GRIP2: variants seen among roughly 807,000 people sequenced by gnomAD.
GRIP2 encodes the protein glutamate receptor-interacting protein 2.
A neutral mutation model predicts 108.3 loss-of-function variants in GRIP2; 58 were observed. That is an observed-to-expected ratio of 0.54 (90% CI 0.43 to 0.67). The LOEUF is 0.67. GRIP2 is among the 30% of genes least tolerant of loss of function. The probability of loss-of-function intolerance (pLI) is 0.00; values close to 1 mark genes in which losing one functional copy is unlikely to be tolerated. For missense variants in GRIP2, 1,278 were observed against 1,430.6 expected (o/e 0.89, Z 1.72); for synonymous variants, 586 against 598.2 (o/e 0.98, Z 0.30).
chr3:14,505,075 G>T lies in GRIP2; in HGVS notation c.2573+540C>A, dbSNP rs1232087778. ...TGAGCTGAGTTTTGAGGGATGAGTAGGGATTTGCCAGGAGAGACCAGGGGA... is the reference window on the plus strand; with the variant it reads ...TGAGCTGAGTTTTGAGGGATGAGTATGGATTTGCCAGGAGAGACCAGGGGA... On this transcript the variant is annotated intron_variant, in intron 20 of 23. Coordinates refer to ENST00000621039, the MANE Select transcript of GRIP2 (RefSeq NM_001080423.4). The surrounding 1 kb of genome is among the most constrained non-coding windows in gnomAD (Gnocchi z 4.2). Among the ~76,000 whole-genome samples, 1 of 152,088 alleles carries T rather than the reference G, an allele frequency of 6.6e-6. No individual in the cohort carries two copies. The highest frequency in any genetic ancestry group is 1.5e-5 in the Non-Finnish European group (1 of 68,012).
In GRIP2 at chr3:14,520,378, G is replaced by A. The variant is rs750917567; in HGVS notation, c.860+12C>T. On this transcript the variant is annotated intron_variant, in intron 8 of 23. Coordinates refer to ENST00000621039, the MANE Select transcript of GRIP2 (RefSeq NM_001080423.4). ...ACACCTCCATGGTGGCAGCACCCAG[G>A]GTGTGCCTTACCTGTCCACCACGCT... The A allele has an allele frequency of 1.2e-6, 2 of 1,610,810 alleles. No individual in the cohort carries two copies. The highest frequency in any genetic ancestry group is 2.2e-5 in the South Asian group (2 of 90,306).
Position 14,523,083 on chromosome 3 carries a change from G to A in GRIP2, c.491-8C>T. 1 of 1,593,162 alleles carries A rather than the reference G, an allele frequency of 6.3e-7. No homozygotes were observed. The highest frequency in any genetic ancestry group is 8.6e-7 in the Non-Finnish European group (1 of 1,166,212). On this transcript the variant is annotated splice_region_variant and splice_polypyrimidine_tract_variant and intron_variant, in intron 5 of 23. Coordinates refer to ENST00000621039, the MANE Select transcript of GRIP2 (RefSeq NM_001080423.4). ...CATCTTCATGGGCACCTCCTGGACA[G>A]GATTTGACAAGAAGCAGGAATCATC...
intron 17 of GRIP2, among the ~76,000 whole-genome samples, chr3:14,508,517 T>A (rs931206875): frequency 1.3e-5 from 2 of 152,158 alleles, no homozygotes; most frequent in African/African-American, 4.8e-5. Flanking sequence ...GGGCTGTAGA[T>A]GTCACCCCAT....
chr3:14,536,700 C>T lies in GRIP2; in HGVS notation c.40+3569G>A, dbSNP rs746489712. Among the ~76,000 whole-genome samples the T allele has an allele frequency of 6.6e-5, 10 of 152,188 alleles. No individual in the cohort carries two copies. In the South Asian group the frequency reaches 8.3e-4, roughly 13 times the overall value. On this transcript the variant is annotated intron_variant, in intron 1 of 23. Coordinates refer to ENST00000621039, the MANE Select transcript of GRIP2 (RefSeq NM_001080423.4). ...TCTCAAGTTGGGGGTTGGCCTTCTG[C>T]GTTCTGGGTCCTGCTCTCCTGCCCT...
Position 14,525,394 on chromosome 3 carries a change from C to T in GRIP2, c.257+43G>A, listed in dbSNP as rs777737925. On this transcript the variant is annotated intron_variant, in intron 3 of 23. Transcript: ENST00000621039. ...ACTGGCCCTGGGCTCCCATCATTGC[C>T]TCTGCACCCCCCTCCTGCGGCCGTG... 5.6e-6 allele frequency: 9 copies of T among 1,602,864 alleles called. No homozygotes were observed. The East Asian group carries it at 6.7e-5, about 12-fold the overall frequency.
upstream of GRIP2, among the ~76,000 whole-genome samples, chr3:14,544,845 G>A (rs1695033883): frequency 6.6e-6 from 1 of 152,208 alleles, no homozygotes; most frequent in East Asian, 1.9e-4. Context: ...CCAGCCACAG[G>A]GGAGGGGCAC....
At chr3:14,538,578 C>T (rs577746955) in intron 1 of GRIP2, among the ~76,000 whole-genome samples, 4 of 152,194 alleles carry the variant, frequency 2.6e-5, no homozygotes, top group Non-Finnish European at 4.4e-5. Context: ...TCCATCTTTA[C>T]ACTTTTTGGA....
At chr3:14,523,473 T>C (rs2124925798) in intron 5 of GRIP2, 139 bp downstream of exon 5, 3 of 656,684 alleles carry the variant, frequency 4.6e-6, no homozygotes, top group Non-Finnish European at 8.1e-6. Context: ...CACTGAATAC[T>C]TACCTTAACG....
intron 5 of GRIP2, 104 bp from the exon 6 acceptor site, chr3:14,523,179 G>A (rs1694460374): frequency 2.4e-6 from 2 of 843,796 alleles, no homozygotes; most frequent in Non-Finnish European, 3.8e-6. Flanking sequence ...ACCTGTTTGA[G>A]GACCTTGTCC....
At chr3:14,571,738 C>A in the GRIP2 span, among the ~76,000 whole-genome samples, 45 of 152,168 alleles carry the variant, frequency 3.0e-4, no homozygotes, top group Non-Finnish European at 6.0e-4. Context: ...GTGCCCCAAC[C>A]CTCATTCGGG....
intron 11 of GRIP2, among the ~76,000 whole-genome samples, chr3:14,516,501 T>C (rs1311764193): frequency 6.6e-6 from 1 of 152,268 alleles, no homozygotes; most frequent in East Asian, 1.9e-4. Flanking sequence ...TATCATTCAC[T>C]ACTTTTGTCT....
chr3:14,552,436 A>G (rs1484848660), intron 1 of GRIP2, among the ~76,000 whole-genome samples: 1 of 152,162 alleles, frequency 6.6e-6, no homozygotes. Context: ...ATGACGTAAT[A>G]GATGCTCAAT....
At position 14,527,577 on chromosome 3, in the gene GRIP2, C is replaced by T. The variant is rs926308019; in HGVS notation, c.41-1646G>A. On this transcript the variant is annotated intron_variant, in intron 1 of 23. Transcript: ENST00000621039. ...TGTGTATATTAGTATATTAGTCTAA[C>T]TTATATTATTCTTCACTTTTTAGCA... 4.6e-5 allele frequency among the ~76,000 whole-genome samples: 7 copies of T among 152,252 alleles called. 1 individual carries two copies. Among genetic ancestry groups the T allele is most frequent in the Middle Eastern group, 6.8e-3 (2 of 294 alleles).
chr3:14,575,680 C>A, the GRIP2 span, among the ~76,000 whole-genome samples: 19 of 152,330 alleles, frequency 1.2e-4, no homozygotes, highest in African/African-American at 3.8e-4. Flanking sequence ...CCTAGAGAAC[C>A]CACCCTGAAG....
chr3:14,544,436 A>G (rs13095674), upstream of GRIP2, among the ~76,000 whole-genome samples: 89,112 of 151,986 alleles, frequency 0.59, 27,193 homozygotes, highest in Middle Eastern at 0.7. Flanking sequence ...TGAGACCCAC[A>G]GAGGGCCTTG....
chr3:14,532,596 C>T (rs951632872), intron 1 of GRIP2, among the ~76,000 whole-genome samples: 1 of 152,092 alleles, frequency 6.6e-6, no homozygotes, highest in Non-Finnish European at 1.5e-5. Flanking sequence ...TCGCCCCCAA[C>T]AGAGAACCAT....
intron 1 of GRIP2, among the ~76,000 whole-genome samples, chr3:14,550,818 C>T (rs968289367): frequency 6.6e-6 from 1 of 152,192 alleles, no homozygotes; most frequent in Non-Finnish European, 1.5e-5. Context: ...CACTGAGACA[C>T]AGCGAGGAGC....
intron 1 of GRIP2, among the ~76,000 whole-genome samples, chr3:14,547,563 T>C (rs78321157): frequency 2.0e-5 from 3 of 152,288 alleles, no homozygotes; most frequent in African/African-American, 7.2e-5. Flanking sequence ...CTCCTGAGGA[T>C]GCTGCTGGAA....
the GRIP2 span, among the ~76,000 whole-genome samples, chr3:14,586,165 C>T: frequency 3.3e-5 from 5 of 152,224 alleles, no homozygotes; most frequent in East Asian, 5.8e-4. Flanking sequence ...GGTTGGGCCC[C>T]ACACAAATGT....
Sources: allele counts gnomAD v4.1 joint callset (sites outside exome capture counted in the v4.1 genomes callset), GRCh38; gene constraint gnomAD v4.1.1; non-coding constraint Gnocchi (gnomAD v3.1); transcripts MANE v1.5; gene names NCBI Gene and HGNC (gene_info 2026-07-23, HGNC 2026-07-21).